The following SLC16A14 variants were observed in gnomAD, a reference collection of about 807,000 sequenced individuals.
SLC16A14 encodes the protein monocarboxylate transporter 14.
Under a neutral mutation model 35.8 loss-of-function variants are expected in SLC16A14, and 14 were observed. That is an observed-to-expected ratio of 0.39 (90% CI 0.26 to 0.61). The LOEUF is 0.61. SLC16A14 is among the 20% of genes least tolerant of loss of function. The probability of loss-of-function intolerance (pLI) is 0.51; values close to 1 mark genes in which losing one functional copy is unlikely to be tolerated. For synonymous variants in SLC16A14, 248 were observed against 258.9 expected (o/e 0.96, Z 0.40); for missense variants, 533 against 655.0 (o/e 0.81, Z 2.03).
rs2077734227 is a variant in SLC16A14, at chr2:230,059,482, T to A, written c.-14-116A>T. 3.0e-5 allele frequency: 21 copies of A among 698,078 alleles called. No individual in the cohort carries two copies. In the South Asian group the frequency reaches 4.3e-4, roughly 14 times the overall value. The allele number at this position is 698,078 out of a possible 1,614,324, so 43.2% of individuals were successfully genotyped here. A position where few individuals can be genotyped will look rare whatever the true frequency, so the allele number is the denominator to read the frequency against. ...AAAGTGGCTCCAGTATCACATCTGATCTTCAGGTTAATCTTTGTCACCATA... is the reference window on the plus strand; with the variant it reads ...AAAGTGGCTCCAGTATCACATCTGAACTTCAGGTTAATCTTTGTCACCATA... On this transcript the variant is annotated intron_variant, in intron 1 of 4. Transcript: ENST00000295190.
At position 230,037,453 on chromosome 2, in the gene SLC16A14, A is replaced by C; in HGVS notation, c.1460T>G (p.Phe487Cys). 1 of 1,613,202 alleles carries C rather than the reference A, an allele frequency of 6.2e-7. No individual in the cohort carries two copies. Among genetic ancestry groups the C allele is most frequent in the Non-Finnish European group, 8.5e-7 (1 of 1,179,814 alleles). Residue 487 changes from phenylalanine to cysteine, a missense_variant, in exon 5 of 5, where the codon TTT becomes TGT. Phe to Cys is a radical substitution (Grantham distance 205, BLOSUM62 -2). Transcript: ENST00000295190. ...TCGAATGCACGGCTGAATAAGTAAAAAGAGTATTCCTATCATGTAAAGCAA... is the reference window on the plus strand; with the variant it reads ...TCGAATGCACGGCTGAATAAGTAAACAGAGTATTCCTATCATGTAAAGCAA... ...CGLLYMIGIL[F>C]LLIQPCIRII...
intron 4 of SLC16A14, among the ~76,000 whole-genome samples, chr2:230,045,284 G>A (rs1440139129): frequency 6.6e-5 from 10 of 152,218 alleles, no homozygotes; most frequent in Admixed American, 2.0e-4. Context: ...TTGGCCAGGC[G>A]TGGTGGCTCA....
At chr2:230,043,394 G>A (rs982898019) in intron 4 of SLC16A14, among the ~76,000 whole-genome samples, 1 of 152,224 alleles carries the variant, frequency 6.6e-6, no homozygotes, top group Admixed American at 6.5e-5. Flanking sequence ...TGCCAGTGGG[G>A]GGTCTTAAGG....
chr2:230,037,381 T>C lies in SLC16A14; in HGVS notation c.1532A>G (p.Ter511TrpextTer85). The change falls in exon 5 of 5, where the codon TAG becomes TGG. Residue 511 changes from the stop codon to tryptophan, a stop_lost. Transcript: ENST00000295190. Reference sequence around the variant, plus strand: ...ACCTACACGGAACATTACATGATACTAAACATGTGCACCATCCATGTATTT... The same window carrying C: ...ACCTACACGGAACATTACATGATACCAAACATGTGCACCATCCATGTATTT... The part of the protein sequence containing the change: ...RRKYMDGAHV[*>W] 1 of 1,599,866 alleles carries C rather than the reference T, an allele frequency of 6.3e-7. No individual in the cohort carries two copies. Among genetic ancestry groups the C allele is most frequent in the Non-Finnish European group, 8.5e-7 (1 of 1,175,642 alleles).
chr2:230,045,537 G>A, intron 4 of SLC16A14: 2 of 584,842 alleles, frequency 3.4e-6, no homozygotes, highest in South Asian at 4.3e-5. Context: ...TCCAGCTGGG[G>A]CGATAGAGCG....
At chr2:230,055,679 T>C (rs180999203) in intron 2 of SLC16A14, among the ~76,000 whole-genome samples, 7 of 152,354 alleles carry the variant, frequency 4.6e-5, no homozygotes, top group Admixed American at 4.6e-4. Flanking sequence ...AACTAGTTTC[T>C]GTTGCTTATT....
In SLC16A14 at chr2:230,036,232, T is replaced by C. The variant is rs1432125817; in HGVS notation, c.*1148A>G. The C allele has an allele frequency of 1.3e-5, 2 of 152,630 alleles. No homozygotes were observed. The highest frequency in any genetic ancestry group is 2.9e-5 in the Non-Finnish European group (2 of 68,026). 9.5% of individuals were successfully genotyped at this position (152,630 alleles called of 1,614,324 possible). A position where few individuals can be genotyped will look rare whatever the true frequency, so the allele number is the denominator to read the frequency against. The stretch of plus-strand genomic sequence containing the variant: ...ATCTCAGATAAAGAAAGGGCATTAT[T>C]AGATGTCATGGATCACAGTCATCTT... On this transcript the variant is annotated 3_prime_UTR_variant, in exon 5 of 5. Coordinates refer to ENST00000295190, the MANE Select transcript of SLC16A14 (RefSeq NM_152527.5).
intron 4 of SLC16A14, 81 bp from the exon 5 acceptor site, chr2:230,037,612 T>G: frequency 8.8e-7 from 1 of 1,138,778 alleles, no homozygotes; most frequent in South Asian, 1.7e-5. Context: ...CATTTATTGC[T>G]GCTGTACATG....
chr2:230,049,299 C>T (rs112114927), intron 3 of SLC16A14, among the ~76,000 whole-genome samples: 2 of 149,214 alleles, frequency 1.3e-5, no homozygotes, highest in Admixed American at 6.7e-5. Context: ...AGGCTGGTCT[C>T]GAACTCCTGG....
At chr2:230,060,631 G>A (rs1334876893) in intron 1 of SLC16A14, among the ~76,000 whole-genome samples, 3 of 152,062 alleles carry the variant, frequency 2.0e-5, no homozygotes, top group Non-Finnish European at 4.4e-5. Flanking sequence ...CAAAATGCTG[G>A]TATTACAGGT....
intron 4 of SLC16A14, among the ~76,000 whole-genome samples, chr2:230,042,738 G>T (rs1310854612): frequency 6.6e-6 from 1 of 152,134 alleles, no homozygotes; most frequent in Non-Finnish European, 1.5e-5. Flanking sequence ...TAGTACAGAG[G>T]CTGGAAAGCA....
chr2:230,051,720 C>T (rs1370160754), intron 2 of SLC16A14, among the ~76,000 whole-genome samples: 1 of 152,120 alleles, frequency 6.6e-6, no homozygotes, highest in Non-Finnish European at 1.5e-5. Context: ...TCCCTTTTGG[C>T]TTAAACTGAA....
intron 1 of SLC16A14, among the ~76,000 whole-genome samples, chr2:230,062,699 T>C (rs1462202482): frequency 1.3e-5 from 2 of 152,168 alleles, no homozygotes; most frequent in African/African-American, 2.4e-5. Context: ...GACTAGAGCA[T>C]TCGTTCTGGC....
chr2:230,037,331 AG>A lies in SLC16A14; in HGVS notation c.*48del. 6.7e-7 allele frequency: 1 copy of A among 1,499,438 alleles called. No individual in the cohort carries two copies. Among genetic ancestry groups the A allele is most frequent in the Admixed American group, 2.3e-5 (1 of 43,496 alleles). The allele number at this position is 1,499,438 out of a possible 1,614,324, so 92.9% of individuals were successfully genotyped here. On this transcript the variant is annotated 3_prime_UTR_variant, in exon 5 of 5. Transcript: ENST00000295190. ...ATAGGTGCCTCACAGCAACCATGCG[AG>A]GTAGGCATGAGTATTACAATGAAAC...
chr2:230,065,759 ATATAATTATATACATG>A (rs1389642684), intron 1 of SLC16A14, among the ~76,000 whole-genome samples: 3 of 152,144 alleles, frequency 2.0e-5, no homozygotes, highest in Non-Finnish European at 4.4e-5. Flanking sequence ...TGTAGCATTC[ATATAATTATATACATG>A]TATAATTATA....
intron 2 of SLC16A14, among the ~76,000 whole-genome samples, chr2:230,055,458 A>C (rs2077697172): frequency 1.3e-5 from 2 of 152,242 alleles, no homozygotes; most frequent in African/African-American, 4.8e-5. Flanking sequence ...TCTGAAACTC[A>C]GCAAAAAATG....
In SLC16A14 at chr2:230,048,943, A is replaced by AAAAAG. The variant is rs562094733; in HGVS notation, c.403+817_403+818insCTTTT. Among the ~76,000 whole-genome samples, 48 of 107,276 alleles carry AAAAAG rather than the reference A, an allele frequency of 4.5e-4. 3 individuals carry two copies. The highest frequency in any genetic ancestry group is 7.9e-4 in the East Asian group (3 of 3,776). The allele number at this position is 107,276 out of a possible 152,430, so 70.4% of individuals were successfully genotyped here. ...CATCTCAAAAAAAAAAAAAAAAAAA[A>AAAAAG]AACAAATGATTATTAAAGAGTAAAT... On this transcript the variant is annotated intron_variant, in intron 3 of 4. Transcript: ENST00000295190.
chr2:230,067,218 G>C (rs1339591078), intron 1 of SLC16A14: 1 of 154,576 alleles, frequency 6.5e-6, no homozygotes, highest in East Asian at 1.9e-4. Flanking sequence ...GAGAAGGCTG[G>C]GGAGCGGAGC....
intron 4 of SLC16A14, among the ~76,000 whole-genome samples, chr2:230,044,405 G>A (rs2077584024): frequency 6.6e-6 from 1 of 151,458 alleles, no homozygotes; most frequent in South Asian, 2.1e-4. Flanking sequence ...TTGAACTTGG[G>A]AGGCGGAGGT....
Sources: allele counts gnomAD v4.1 joint callset (sites outside exome capture counted in the v4.1 genomes callset), GRCh38; gene constraint gnomAD v4.1.1; transcripts MANE v1.5; gene names NCBI Gene and HGNC (gene_info 2026-07-23, HGNC 2026-07-21).